AP3D1: variants seen among roughly 807,000 people sequenced by gnomAD.
AP3D1 encodes AP-3 complex subunit delta-1.
Under a neutral mutation model 147.6 loss-of-function variants are expected in AP3D1, and 51 were observed. That is an observed-to-expected ratio of 0.35 (90% CI 0.28 to 0.44). The LOEUF (loss-of-function observed/expected upper bound fraction) is 0.44, where lower values mean the gene tolerates loss of function less well. Ranked by LOEUF, AP3D1 falls within the 20% of genes least tolerant of loss-of-function variation. The probability of loss-of-function intolerance (pLI) is 1.00; values close to 1 mark genes in which losing one functional copy is unlikely to be tolerated. For missense variants in AP3D1, 1,421 were observed against 1,624.2 expected, an observed-to-expected ratio of 0.87 and a Z score of 2.15; for synonymous variants, 760 against 663.0, an observed-to-expected ratio of 1.15 and a Z score of -2.25.
At chr19:2,123,192 G>A (rs756077530) in intron 11 of AP3D1, among the ~76,000 whole-genome samples, 166 bp downstream of exon 11, 12 of 152,290 alleles carry the variant, frequency 7.9e-5, no homozygotes, top group Admixed American at 2.6e-4. Flanking sequence ...GTGCAAGGGC[G>A]CCACAGGGCA....
chr19:2,123,285 C>T, intron 11 of AP3D1, 73 bp downstream of exon 11: 2 of 1,442,296 alleles, frequency 1.4e-6, no homozygotes, highest in Non-Finnish European at 1.9e-6. Flanking sequence ...ACTTCCTCCT[C>T]ACACTAGGAG....
At chr19:2,164,196 G>A in intron 1 of AP3D1, 1 of 1,258,124 alleles carries the variant, frequency 7.9e-7, no homozygotes, top group Non-Finnish European at 1.0e-6. Flanking sequence ...TGGGGGAGAA[G>A]CTGGAGCTGA....
chr19:2,120,999 C>T lies in AP3D1; in HGVS notation c.1344G>A (p.Val448=), dbSNP rs774047537. 6.2e-7 allele frequency: 1 copy of T among 1,612,304 alleles called. No homozygotes were observed. Among genetic ancestry groups the T allele is most frequent in the Non-Finnish European group, 8.5e-7 (1 of 1,180,006 alleles). Reference sequence around the variant, plus strand: ...ACACGGCGAACTTGCGGATGGCCTTCACGCGGATGGCCACGTCCAGCATTT... The same window carrying T: ...ACACGGCGAACTTGCGGATGGCCTTTACGCGGATGGCCACGTCCAGCATTT... ...AAQMLDVAIR[V]KAIRKFAVSQ... is the part of the protein sequence containing the mutation. Residue 448 remains valine (V), a synonymous_variant, in exon 14 of 32, where the codon GTG becomes GTA. Transcript: ENST00000643116.
At chr19:2,121,588 T>G in intron 12 of AP3D1, 146 bp downstream of exon 12, 2 of 1,196,634 alleles carry the variant, frequency 1.7e-6, no homozygotes, top group Non-Finnish European at 2.3e-6. Flanking sequence ...GGACCAGGAC[T>G]GGCGCCCCTC....
At chr19:2,150,739 C>G (rs902931595) in intron 1 of AP3D1, among the ~76,000 whole-genome samples, 1 of 152,360 alleles carries the variant, frequency 6.6e-6, no homozygotes, top group East Asian at 1.9e-4. Context: ...CCAGGACCCC[C>G]TGCCTCGGTC....
chr19:2,157,877 A>G (rs1323814970), intron 1 of AP3D1, among the ~76,000 whole-genome samples: 1 of 152,226 alleles, frequency 6.6e-6, no homozygotes, highest in Non-Finnish European at 1.5e-5. Context: ...GAGCTTGCTC[A>G]AGTTTGTCAT....
rs71176516 is a variant in AP3D1, at chr19:2,140,755, CT to C, written c.97-2042del. Among the ~76,000 whole-genome samples, 723 of 107,194 alleles carry C rather than the reference CT, an allele frequency of 6.7e-3. 3 individuals carry two copies. The highest frequency in any genetic ancestry group is 0.021 in the African/African-American group (621 of 29,822). The allele number at this position is 107,194 out of a possible 152,430, so 70.3% of individuals were successfully genotyped here. On this transcript the variant is annotated intron_variant, in intron 1 of 31. Transcript: ENST00000643116. ...CTCAGACCAAGCCTCACACAAACGT[CT>C]TTTTTTTTTTTTTTTTTTTTTGAGA...
chr19:2,163,096 C>T lies in AP3D1; in HGVS notation c.-103+1260G>A, dbSNP rs573665393. On this transcript the variant is annotated intron_variant, in intron 1 of 14. Transcript: ENST00000643010. ...TAATTAATTAATTATTTTTTTGAGA[C>T]GGAGTCTTGCTCTGTTGCCCAGGCC... is the stretch of plus-strand genomic sequence containing the variant. 5.3e-5 allele frequency among the ~76,000 whole-genome samples: 8 copies of T among 152,096 alleles called. No individual in the cohort carries two copies. In the East Asian group the frequency reaches 7.7e-4, roughly 15 times the overall value.
At chr19:2,144,083 T>C (rs894306599) in intron 1 of AP3D1, among the ~76,000 whole-genome samples, 1 of 125,096 alleles carries the variant, frequency 8.0e-6, no homozygotes, top group Non-Finnish European at 1.8e-5. Flanking sequence ...TGAAACTCCG[T>C]CTCAAAAAAA....
At chr19:2,140,552 T>G (rs2019193098) in intron 1 of AP3D1, among the ~76,000 whole-genome samples, 2 of 151,602 alleles carry the variant, frequency 1.3e-5, no homozygotes, top group South Asian at 2.1e-4. Context: ...CACTGCTCAC[T>G]GCAGCCTCCA....
Position 2,138,634 on chromosome 19 carries a change from G to A in AP3D1, c.177C>T (p.Val59=), listed in dbSNP as rs2019139217. 1 of 1,613,942 alleles carries A rather than the reference G, an allele frequency of 6.2e-7. No individual in the cohort carries two copies. Among genetic ancestry groups the A allele is most frequent in the African/African-American group, 1.3e-5 (1 of 75,060 alleles). The change falls in exon 2 of 32, where the codon GTC becomes GTT. Residue 59 remains valine, a synonymous_variant. Coordinates refer to ENST00000643116, the MANE Select transcript of AP3D1 (RefSeq NM_001261826.3). ...AGGCACTTACATACGTCAGCTTGCAGACCGCGTTCGCCTTCACCGCTATGT... is the reference window on the plus strand; with the variant it reads ...AGGCACTTACATACGTCAGCTTGCAAACCGCGTTCGCCTTCACCGCTATGT... The part of the protein sequence containing the change: ...QDNIAVKANA[V]CKLTYLQMLG...
At chr19:2,140,207 C>A (rs2019183175) in intron 1 of AP3D1, among the ~76,000 whole-genome samples, 1 of 152,050 alleles carries the variant, frequency 6.6e-6, no homozygotes, top group Non-Finnish European at 1.5e-5. Flanking sequence ...GAGGTCAGAC[C>A]CTCACGAGGG....
In AP3D1 at chr19:2,115,604, C is replaced by G. The variant is rs2018423420; in HGVS notation, c.2083G>C (p.Asp695His). 1 of 1,612,286 alleles carries G rather than the reference C, an allele frequency of 6.2e-7. No homozygotes were observed. The highest frequency in any genetic ancestry group is 1.3e-5 in the African/African-American group (1 of 74,912). ...SSPSPQKRYQ[D>H]TPGVEHIPVV... ...GGAATGTGCTCCACGCCCGGGGTGT[C>G]CTGGTACCGCTGCAAAGGCAACACC... is the stretch of plus-strand genomic sequence containing the variant. The change falls in exon 19 of 32, where the codon GAC (aspartate) becomes CAC (histidine). Residue 695 changes from aspartate to histidine, a missense_variant. Coordinates refer to ENST00000643116, the MANE Select transcript of AP3D1 (RefSeq NM_001261826.3).
intron 1 of AP3D1, among the ~76,000 whole-genome samples, chr19:2,140,358 A>C (rs2019187298): frequency 6.6e-6 from 1 of 152,114 alleles, no homozygotes; most frequent in South Asian, 2.1e-4. Context: ...AAACAAAAAC[A>C]AGCACACGAA....
chr19:2,141,527 G>A (rs1392038342), intron 1 of AP3D1, among the ~76,000 whole-genome samples: 1 of 107,610 alleles, frequency 9.3e-6, no homozygotes, highest in Non-Finnish European at 2.0e-5. Context: ...TCCGCCTCTC[G>A]GTTCAAGTGA....
At chr19:2,131,364 C>T (rs2007874) in intron 5 of AP3D1, among the ~76,000 whole-genome samples, 46,822 of 133,814 alleles carry the variant, frequency 0.35, 5,691 homozygotes, top group East Asian at 0.4. Context: ...CCATCGGCCA[C>T]GATCTAGACA....
chr19:2,118,663 G>A lies in AP3D1; in HGVS notation c.1651C>T (p.Gln551Ter). Reference sequence around the variant, plus strand: ...TGGGGCAGCCGGTCCACCATGAGCTGGGTGACGGCCTGAGCGCCCTCTGCC... The same window carrying A: ...TGGGGCAGCCGGTCCACCATGAGCTAGGTGACGGCCTGAGCGCCCTCTGCC... ...GEAEGAQAVT[Q>*]LMVDRLPQFV... is the part of the protein sequence containing the mutation. Residue 551 changes from glutamine (Q) to a stop codon, truncating the protein, a stop_gained, in exon 15 of 32, where the codon CAG (glutamine) becomes TAG (stop). Coordinates refer to ENST00000643116, the MANE Select transcript of AP3D1 (RefSeq NM_001261826.3). LOFTEE classifies it high-confidence loss of function. 6.2e-7 allele frequency: 1 copy of A among 1,612,910 alleles called. No individual in the cohort carries two copies.
chr19:2,163,887 G>A (rs2019805521), intron 1 of AP3D1, among the ~76,000 whole-genome samples: 1 of 149,826 alleles, frequency 6.7e-6, no homozygotes, highest in South Asian at 2.1e-4. Context: ...TTCGCTCCGG[G>A]CTCCCCTAGC....
At chr19:2,121,122 G>A (rs989827308) in intron 13 of AP3D1, 30 bp from the exon 14 acceptor site, 13 of 1,613,518 alleles carry the variant, frequency 8.1e-6, no homozygotes, top group Non-Finnish European at 1.0e-5. Context: ...AGTGAGCGGC[G>A]CCACGGAACC....
Sources: allele counts gnomAD v4.1 joint callset (sites outside exome capture counted in the v4.1 genomes callset), GRCh38; gene constraint gnomAD v4.1.1; transcripts MANE v1.5; gene names NCBI Gene and HGNC (gene_info 2026-07-23, HGNC 2026-07-21).